Variants in SCAMP4 observed in about 807,000 individuals in gnomAD.
SCAMP4 encodes the protein secretory carrier membrane protein 4.
A neutral mutation model predicts 32.1 loss-of-function variants in SCAMP4; 19 were observed. The observed-to-expected ratio is 0.59, with a 90% CI of 0.41 to 0.87. The LOEUF (loss-of-function observed/expected upper bound fraction) is 0.87. Ranked by LOEUF, SCAMP4 falls within the 40% of genes least tolerant of loss-of-function variation. The pLI is 0.00. For missense variants in SCAMP4, 302 were observed against 309.0 expected (o/e 0.98, Z 0.17); for synonymous variants, 152 against 132.7 (o/e 1.15, Z -1.00).
rs2013682514 is a variant in SCAMP4 at position 1,914,994 on chromosome 19, AGCCTGC to A, written c.-23_-18del. ...TTCCTTCCAGGCGGCTGCAGGCTTC[AGCCTGC>A]GCTGGTTGGTGAAACAGAGATGTCA... On this transcript the variant is annotated 5_prime_UTR_variant, in exon 2 of 7. Coordinates refer to ENST00000316097, the MANE Select transcript of SCAMP4 (RefSeq NM_079834.4). 6.2e-7 allele frequency: 1 copy of A among 1,613,734 alleles called. No individual in the cohort carries two copies. The highest frequency in any genetic ancestry group is 8.5e-7 in the Non-Finnish European group (1 of 1,179,832).
intron 2 of SCAMP4, among the ~76,000 whole-genome samples, chr19:1,916,328 T>TGG (rs991393165): frequency 1.3e-5 from 2 of 151,946 alleles, no homozygotes; most frequent in African/African-American, 4.8e-5. Context: ...CCAAGGGCGC[T>TGG]GGGATCCCCC....
chr19:1,907,467 G>C (rs530030084), intron 1 of SCAMP4, among the ~76,000 whole-genome samples: 4 of 152,188 alleles, frequency 2.6e-5, no homozygotes, highest in African/African-American at 9.6e-5. Flanking sequence ...GTCAGGACTG[G>C]TGCCTGAGTT....
chr19:1,907,531 G>T (rs1489862493), intron 1 of SCAMP4, among the ~76,000 whole-genome samples: 4 of 152,182 alleles, frequency 2.6e-5, no homozygotes, highest in African/African-American at 9.6e-5. Flanking sequence ...GCAGGTTGGG[G>T]ACTGGGTGTG....
At chr19:1,922,943 C>G in intron 5 of SCAMP4, 127 bp from the exon 6 acceptor site, 1 of 1,352,232 alleles carries the variant, frequency 7.4e-7, no homozygotes. Context: ...ACTTGGTCGT[C>G]CTTGTATGAG....
In SCAMP4 at chr19:1,924,337, T is replaced by C; in HGVS notation, c.*53T>C. On this transcript the variant is annotated 3_prime_UTR_variant, in exon 7 of 7. Coordinates refer to ENST00000316097, the MANE Select transcript of SCAMP4 (RefSeq NM_079834.4). The stretch of plus-strand genomic sequence containing the variant: ...ACCACCTCCTCCCCTTCATTCCTGC[T>C]GCTACCCCTGGTCCCGAGGGCTGGG... The C allele has an allele frequency of 6.7e-7, 1 of 1,502,616 alleles. No individual in the cohort carries two copies. Among genetic ancestry groups the C allele is most frequent in the South Asian group, 1.2e-5 (1 of 82,812 alleles). The allele number at this position is 1,502,616 out of a possible 1,614,324, so 93.1% of individuals were successfully genotyped here.
In SCAMP4 at chr19:1,908,326, C is replaced by T. The variant is rs1363475106; in HGVS notation, c.-42+2887C>T. ...GCTTCGGGCAGCGCTGGGGCCGCTT[C>T]AGCGTGACCTCCAAGGCCACTGGCC... is the stretch of plus-strand genomic sequence containing the variant. On this transcript the variant is annotated intron_variant, in intron 1 of 6. Transcript: ENST00000316097. The surrounding 1 kb of genome is among the most constrained non-coding windows in gnomAD (Gnocchi z 4.2). 1 of 357,012 alleles carries T rather than the reference C, an allele frequency of 2.8e-6. No individual in the cohort carries two copies. The highest frequency in any genetic ancestry group is 5.6e-6 in the Non-Finnish European group (1 of 179,614). 22.1% of individuals were successfully genotyped at this position (357,012 alleles called of 1,614,324 possible). A position where few individuals can be genotyped will look rare whatever the true frequency, so the allele number is the denominator to read the frequency against.
At chr19:1,905,622 GC>G in intron 1 of SCAMP4, 183 bp downstream of exon 1, 1 of 163,104 alleles carries the variant, frequency 6.1e-6, no homozygotes. Flanking sequence ...GGGAGGCGGC[GC>G]GAATGCGCGT....
intron 5 of SCAMP4, chr19:1,919,970 C>T (rs2013868477): frequency 5.4e-6 from 1 of 183,530 alleles, no homozygotes; most frequent in African/African-American, 2.4e-5. Flanking sequence ...CCCCCACACC[C>T]AGCAAATTTT....
intron 1 of SCAMP4, among the ~76,000 whole-genome samples, chr19:1,913,938 C>T (rs113802514): frequency 6.8e-4 from 104 of 152,234 alleles, no homozygotes; most frequent in South Asian, 2.5e-3. Context: ...GGGGGCTCTG[C>T]GTGGGGAGCT....
At chr19:1,911,607 C>T (rs1267646591) in intron 1 of SCAMP4, among the ~76,000 whole-genome samples, 1 of 152,118 alleles carries the variant, frequency 6.6e-6, no homozygotes, top group African/African-American at 2.4e-5. Flanking sequence ...GTGGTGAAAT[C>T]CCATCTCTAC....
intron 5 of SCAMP4, 130 bp from the exon 6 acceptor site, chr19:1,922,940 C>G (rs7259322): frequency 0.9 from 1,207,141 of 1,342,442 alleles, 543,080 homozygotes; most frequent in South Asian, 0.95. Context: ...GCCACTTGGT[C>G]GTCCTTGTAT....
rs111781374 is a variant in SCAMP4 at position 1,918,697 on chromosome 19, G to C, written c.294-192G>C. 2.6e-4 allele frequency: 218 copies of C among 832,412 alleles called. No homozygotes were observed. In the African/African-American group the frequency reaches 3.1e-3, roughly 12 times the overall value. 51.6% of individuals were successfully genotyped at this position (832,412 alleles called of 1,614,324 possible). A position where few individuals can be genotyped will look rare whatever the true frequency, so the allele number is the denominator to read the frequency against. On this transcript the variant is annotated intron_variant, in intron 4 of 6. Coordinates refer to ENST00000316097, the MANE Select transcript of SCAMP4 (RefSeq NM_079834.4). ...GAATCGCTTGAACCCGGGAGGCAGA[G>C]GTTGCAGTGAGCCGAGATCTCGACA... is the stretch of plus-strand genomic sequence containing the variant.
rs1204330908 is a variant in SCAMP4, at chr19:1,925,064, G to T, written c.*780G>T. ...GAGAGCCGGTTTCCCAGCAGCCGGA[G>T]CCCTGCAGGAGAGGCCTTTGTGTTT... On this transcript the variant is annotated 3_prime_UTR_variant, in exon 7 of 7. Transcript: ENST00000316097. 1 of 152,178 alleles carries T rather than the reference G, an allele frequency of 6.6e-6. No individual in the cohort carries two copies. Among genetic ancestry groups the T allele is most frequent in the Non-Finnish European group, 1.5e-5 (1 of 68,186 alleles). The allele number at this position is 152,178 out of a possible 1,614,324, so 9.4% of individuals were successfully genotyped here.
chr19:1,923,229 C>G (rs1416328877), intron 6 of SCAMP4, 42 bp downstream of exon 6: 1 of 1,488,600 alleles, frequency 6.7e-7, no homozygotes, highest in Admixed American at 2.1e-5. Context: ...TACCCCTTCT[C>G]CATGAACCTC....
intron 5 of SCAMP4, chr19:1,922,737 A>C: frequency 9.9e-7 from 1 of 1,014,206 alleles, no homozygotes; most frequent in Non-Finnish European, 1.2e-6. Context: ...CACTGAGGGA[A>C]ACTAATGGGG....
chr19:1,911,108 C>G (rs1029597906), intron 1 of SCAMP4, among the ~76,000 whole-genome samples: 6 of 152,080 alleles, frequency 3.9e-5, no homozygotes, highest in African/African-American at 1.4e-4. Flanking sequence ...ATCTCCTGAC[C>G]TTGTGATCCG....
At chr19:1,906,865 ATT>A (rs1491373319) in intron 1 of SCAMP4, 1 of 42,964 alleles carries the variant, frequency 2.3e-5, no homozygotes, top group Non-Finnish European at 4.3e-5. Flanking sequence ...AAAAAAAAAA[ATT>A]GTGTGTGTGT....
At chr19:1,917,600 T>C (rs770593885) in intron 2 of SCAMP4, 94 bp from the exon 3 acceptor site, 3 of 1,455,256 alleles carry the variant, frequency 2.1e-6, no homozygotes, top group Admixed American at 1.9e-5. Context: ...CCTTCTGCCA[T>C]GAGAGGCAAC....
At chr19:1,909,479 T>C (rs8105923) in intron 1 of SCAMP4, among the ~76,000 whole-genome samples, 39,143 of 151,948 alleles carry the variant, frequency 0.26, 5,981 homozygotes, top group African/African-American at 0.39. Flanking sequence ...TGGTAATGGC[T>C]CTACTATCTC....
Sources: allele counts gnomAD v4.1 joint callset (sites outside exome capture counted in the v4.1 genomes callset), GRCh38; gene constraint gnomAD v4.1.1; non-coding constraint Gnocchi (gnomAD v3.1); transcripts MANE v1.5; gene names NCBI Gene and HGNC (gene_info 2026-07-23, HGNC 2026-07-21).